Variants in ALG9 observed in about 807,000 individuals in gnomAD.
The protein encoded by ALG9 is alpha-1,2-mannosyltransferase ALG9.
Under a neutral mutation model 81.8 loss-of-function variants are expected in ALG9, and 55 were observed. That is an observed-to-expected ratio of 0.67 (90% CI 0.54 to 0.84). ALG9 has a LOEUF of 0.84. Ranked by LOEUF, ALG9 falls within the 40% of genes least tolerant of loss-of-function variation. The pLI is 0.00. For synonymous variants in ALG9, 278 were observed against 274.3 expected (o/e 1.01, Z -0.13); for missense variants, 629 against 745.0 (o/e 0.84, Z 1.81).
chr11:111,816,398 C>T (rs1951479840), intron 13 of ALG9, among the ~76,000 whole-genome samples: 1 of 152,138 alleles, frequency 6.6e-6, no homozygotes, highest in South Asian at 2.1e-4. Context: ...GGGCATGCGC[C>T]ACCAGGCCTA....
At chr11:111,769,537 T>G in the ALG9 span, 1 of 152,104 alleles carries the variant, frequency 6.6e-6, no homozygotes, top group Non-Finnish European at 1.5e-5. Flanking sequence ...GAGGATCACT[T>G]GAGCCTGGGA....
the ALG9 span, among the ~76,000 whole-genome samples, chr11:111,772,966 C>T: frequency 2.0e-5 from 3 of 151,996 alleles, no homozygotes; most frequent in Non-Finnish European, 2.9e-5. Context: ...AGGCCGGGTG[C>T]GGTGGCTCAC....
chr11:111,832,809 G>A (rs75613639), intron 13 of ALG9, among the ~76,000 whole-genome samples: 240 of 152,268 alleles, frequency 1.6e-3, no homozygotes, highest in African/African-American at 5.5e-3. Context: ...GCTTTGAGAG[G>A]GCAAGATGGG....
intron 14 of ALG9, among the ~76,000 whole-genome samples, chr11:111,791,811 GCCAGA>G (rs1947455342): frequency 1.3e-5 from 2 of 152,298 alleles, no homozygotes; most frequent in South Asian, 4.1e-4. Flanking sequence ...ACCTCCTTTG[GCCAGA>G]CACAGTGGCT....
downstream of ALG9, among the ~76,000 whole-genome samples, chr11:111,780,551 C>A (rs1555056569): frequency 6.6e-6 from 1 of 152,060 alleles, no homozygotes; most frequent in Non-Finnish European, 1.5e-5. Context: ...CACCCACCAT[C>A]ATGCCCAGCT....
At chr11:111,809,512 TC>T in intron 14 of ALG9, 130 bp downstream of exon 14, 2 of 1,036,606 alleles carry the variant, frequency 1.9e-6, no homozygotes, top group Non-Finnish European at 2.8e-6. Context: ...AGAGTGAGAC[TC>T]CATTACACAC....
At chr11:111,780,953 A>G (rs929100464), downstream of ALG9, among the ~76,000 whole-genome samples, 3 of 152,182 alleles carry the variant, frequency 2.0e-5, no homozygotes, top group African/African-American at 2.4e-5. Context: ...TATTAAGGAC[A>G]CTGGGTAATC....
At chr11:111,855,959 A>G (rs1958595477) in intron 6 of ALG9, among the ~76,000 whole-genome samples, 1 of 152,148 alleles carries the variant, frequency 6.6e-6, no homozygotes, top group Non-Finnish European at 1.5e-5. Context: ...GTAAATTCCC[A>G]CAAGTGCACA....
the ALG9 span, among the ~76,000 whole-genome samples, chr11:111,776,082 C>T: frequency 2.0e-5 from 3 of 151,986 alleles, no homozygotes; most frequent in African/African-American, 4.8e-5. Context: ...GTAAGTGGGG[C>T]GTGGTGCAGA....
Position 111,853,676 on chromosome 11 carries a change from C to G in ALG9, c.762G>C (p.Trp254Cys). ...MKHRWKSFFH[W>C]SLMALILFLV... Reference sequence around the variant, plus strand: ...GAAATAGTATGAGGGCCATCAGCGACCAATGAAAGAAACTCTTCCACCTGT... The same window carrying G: ...GAAATAGTATGAGGGCCATCAGCGAGCAATGAAAGAAACTCTTCCACCTGT... Residue 254 changes from tryptophan to cysteine, a missense_variant, in exon 7 of 15, where the codon TGG (tryptophan) becomes TGC (cysteine). This residue lies in a region of ALG9 where 344 missense variants were observed against 390.5 expected (regional missense o/e 0.88). Coordinates refer to ENST00000616540, the MANE Select transcript of ALG9 (RefSeq NM_024740.2). 1.9e-6 allele frequency: 3 copies of G among 1,614,062 alleles called. No individual in the cohort carries two copies. Among genetic ancestry groups the G allele is most frequent in the Non-Finnish European group, 2.5e-6 (3 of 1,180,006 alleles).
intron 12 of ALG9, among the ~76,000 whole-genome samples, chr11:111,837,261 T>C (rs1767468924): frequency 1.3e-5 from 2 of 152,142 alleles, no homozygotes; most frequent in Admixed American, 1.3e-4. Flanking sequence ...GCAGAATGTC[T>C]ACCTAGACCC....
At chr11:111,768,828 C>T in the ALG9 span, 9,080 of 89,840 alleles carry the variant, frequency 0.1, 977 homozygotes, top group African/African-American at 0.3. Context: ...CATCCAGCTT[C>T]GTGTGTGTGT....
Position 111,787,187 on chromosome 11 carries a change from T to G in ALG9, c.1734-667A>C, listed in dbSNP as rs1196285410. ...GGCTCACGCCTGTAATTCCAGCACT[T>G]TTGGAGGCCGAGGCAGGCAGATCAT... On this transcript the variant is annotated intron_variant, in intron 14 of 14. Transcript: ENST00000616540. Among the ~76,000 whole-genome samples the G allele has an allele frequency of 2.0e-5, 3 of 152,230 alleles. No individual in the cohort carries two copies. In the East Asian group the frequency reaches 5.8e-4, roughly 30 times the overall value.
intron 13 of ALG9, chr11:111,817,404 G>C (rs953441422): frequency 2.6e-5 from 4 of 152,238 alleles, no homozygotes; most frequent in Non-Finnish European, 4.4e-5. Flanking sequence ...AGTCACCCGG[G>C]CTGGAGTGTA....
chr11:111,846,701 A>G (rs1187738315), intron 8 of ALG9, among the ~76,000 whole-genome samples: 1 of 152,244 alleles, frequency 6.6e-6, no homozygotes, highest in Non-Finnish European at 1.5e-5. Flanking sequence ...TCTTAAAAAC[A>G]AGGGCAAAAG....
chr11:111,793,462 T>C (rs1555072331), intron 14 of ALG9, among the ~76,000 whole-genome samples: 1 of 152,138 alleles, frequency 6.6e-6, no homozygotes, highest in Non-Finnish European at 1.5e-5. Flanking sequence ...TAATTTGCCT[T>C]TATAAAAGGA....
At position 111,810,494 on chromosome 11, in the gene ALG9, G is replaced by A. The variant is rs180913983; in HGVS notation, c.1603-721C>T. ...TGCTGAGCCAGGTCCGGTGACTCTCGCCTGTAGTCCCAGCACTTTGGGAGG... is the reference window on the plus strand; with the variant it reads ...TGCTGAGCCAGGTCCGGTGACTCTCACCTGTAGTCCCAGCACTTTGGGAGG... On this transcript the variant is annotated intron_variant, in intron 13 of 14. Transcript: ENST00000616540. Among the ~76,000 whole-genome samples the A allele has an allele frequency of 2.4e-3, 370 of 152,216 alleles. 2 individuals are homozygous for A. The South Asian group carries it at 0.029, about 12-fold the overall frequency.
At chr11:111,857,765 C>T in intron 5 of ALG9, 28 bp from the exon 6 acceptor site, 2 of 1,613,222 alleles carry the variant, frequency 1.2e-6, no homozygotes, top group Non-Finnish European at 1.7e-6. Context: ...TGAAAAAAGG[C>T]AGGAGGACAA....
chr11:111,790,679 G>T (rs1416035233), intron 14 of ALG9, among the ~76,000 whole-genome samples: 1 of 152,126 alleles, frequency 6.6e-6, no homozygotes, highest in Non-Finnish European at 1.5e-5. Context: ...AATGACAAAA[G>T]ATATGATTAC....
Sources: allele counts gnomAD v4.1 joint callset (sites outside exome capture counted in the v4.1 genomes callset), GRCh38; gene constraint gnomAD v4.1.1; regional missense constraint gnomAD v4.1.1; transcripts MANE v1.5; gene names NCBI Gene and HGNC (gene_info 2026-07-23, HGNC 2026-07-21).